HCN1: variants seen among roughly 807,000 people sequenced by gnomAD.
HCN1 encodes hyperpolarization activated cyclic nucleotide gated potassium channel 1.
Under a neutral mutation model 78.9 loss-of-function variants are expected in HCN1, and 13 were observed. That is an observed-to-expected ratio of 0.16 (90% confidence interval 0.11 to 0.26). HCN1 has a LOEUF of 0.26. Ranked by LOEUF, HCN1 falls within the 10% of genes least tolerant of loss-of-function variation. The pLI is 1.00. For missense variants in HCN1, 810 were observed against 1,154.3 expected, an observed-to-expected ratio of 0.70 and a Z score of 4.32; for synonymous variants, 552 against 455.5, an observed-to-expected ratio of 1.21 and a Z score of -2.70.
chr5:45,326,010 A>G (rs1746226997), intron 5 of HCN1, among the ~76,000 whole-genome samples: 1 of 151,634 alleles, frequency 6.6e-6, no homozygotes, highest in Non-Finnish European at 1.5e-5. Flanking sequence ...TGATGAATTG[A>G]CATAAGATGC....
intron 5 of HCN1, 88 bp from the exon 6 acceptor site, chr5:45,303,927 A>AGGCCGGGCGCGGTGGC: frequency 8.9e-7 from 1 of 1,128,746 alleles, no homozygotes. Flanking sequence ...TATATACAGC[A>AGGCCGGGCGCGGTGGC]TAACATTGTA....
intron 4 of HCN1, among the ~76,000 whole-genome samples, chr5:45,372,141 AT>A: frequency 2.1e-5 from 1 of 46,982 alleles, no homozygotes. Context: ...TAATATAATA[AT>A]ATATTATATA....
intron 5 of HCN1, among the ~76,000 whole-genome samples, chr5:45,319,697 T>G (rs1197143670): frequency 1.4e-5 from 2 of 147,382 alleles, no homozygotes; most frequent in East Asian, 2.0e-4. Context: ...TGTTTCCTGG[T>G]TTTTTTTTTA....
intron 2 of HCN1, chr5:45,576,094 GC>G (rs1480228305): frequency 6.6e-6 from 1 of 151,994 alleles, no homozygotes; most frequent in East Asian, 1.9e-4. Context: ...GGATGACCTT[GC>G]CGGATTCAAG....
intron 6 of HCN1, among the ~76,000 whole-genome samples, chr5:45,288,651 T>C (rs1745315124): frequency 6.6e-6 from 1 of 152,036 alleles, no homozygotes. Flanking sequence ...TATAATTTAG[T>C]AAATTAATTT....
At chr5:45,496,683 G>GT (rs1291319282) in intron 2 of HCN1, among the ~76,000 whole-genome samples, 6 of 152,016 alleles carry the variant, frequency 3.9e-5, no homozygotes, top group East Asian at 3.8e-4. Flanking sequence ...TTTTTGAAGG[G>GT]TTTTTTGTGT....
At chr5:45,482,973 T>C (rs1026836520) in intron 2 of HCN1, among the ~76,000 whole-genome samples, 1 of 152,222 alleles carries the variant, frequency 6.6e-6, no homozygotes, top group Non-Finnish European at 1.5e-5. Context: ...TATTCTATGG[T>C]GTATATGTAC....
chr5:45,695,980 G>A lies in HCN1; in HGVS notation c.114C>T (p.Arg38=). Reference sequence around the variant, plus strand: ...CGCCGCCCCCCGGCGGGGTGCCCAGGCGCTTCTCGGCCGCGGCCGGCCCCG... The same window carrying A: ...CGCCGCCCCCCGGCGGGGTGCCCAGACGCTTCTCGGCCGCGGCCGGCCCCG... ...TGAGPAAAEK[R]LGTPPGGGGA... The change falls in exon 1 of 8, where the codon CGC becomes CGT. Residue 38 remains arginine (R), a synonymous_variant. Transcript: ENST00000303230. 7.7e-7 allele frequency: 1 copy of A among 1,302,142 alleles called. No homozygotes were observed. Among genetic ancestry groups the A allele is most frequent in the South Asian group, 2.1e-5 (1 of 47,588 alleles). The allele number at this position is 1,302,142 out of a possible 1,614,324, so 80.7% of individuals were successfully genotyped here. A position where few individuals can be genotyped will look rare whatever the true frequency, so the allele number is the denominator to read the frequency against.
At chr5:45,322,483 T>C (rs1302279132) in intron 5 of HCN1, among the ~76,000 whole-genome samples, 2 of 151,844 alleles carry the variant, frequency 1.3e-5, no homozygotes, top group Non-Finnish European at 2.9e-5. Flanking sequence ...AGACCAGAAA[T>C]GTGGCAGATT....
chr5:45,456,101 G>A (rs951390182), intron 3 of HCN1, among the ~76,000 whole-genome samples: 2 of 151,566 alleles, frequency 1.3e-5, no homozygotes, highest in South Asian at 2.1e-4. Context: ...ATTGGTTTAC[G>A]CATCTTAACT....
intron 2 of HCN1, among the ~76,000 whole-genome samples, chr5:45,539,977 C>G (rs979775027): frequency 2.8e-5 from 4 of 141,466 alleles, no homozygotes; most frequent in Non-Finnish European, 6.0e-5. Flanking sequence ...TTATCATTGT[C>G]AGGATAGGCC....
chr5:45,327,314 G>A (rs934952187), intron 5 of HCN1, among the ~76,000 whole-genome samples: 6 of 151,690 alleles, frequency 4.0e-5, no homozygotes, highest in East Asian at 1.9e-4. Flanking sequence ...GAATATCACC[G>A]ATAGTAGAGT....
chr5:45,587,894 C>T (rs943178001), intron 2 of HCN1, among the ~76,000 whole-genome samples: 6 of 151,974 alleles, frequency 3.9e-5, no homozygotes, highest in African/African-American at 1.5e-4. Context: ...AGGATTAATG[C>T]CCTTATTAAT....
intron 2 of HCN1, among the ~76,000 whole-genome samples, chr5:45,494,600 T>A (rs1339223391): frequency 6.6e-6 from 1 of 151,902 alleles, no homozygotes. Context: ...AGCTCTTGAG[T>A]TTAATTAGAT....
intron 4 of HCN1, among the ~76,000 whole-genome samples, chr5:45,375,553 ATAT>A (rs1158223250): frequency 0.011 from 91 of 8,388 alleles, 3 homozygotes; most frequent in Non-Finnish European, 0.014. Context: ...TTTATGATAC[ATAT>A]TATATATAAG....
intron 3 of HCN1, among the ~76,000 whole-genome samples, chr5:45,403,784 C>G (rs1739868840): frequency 6.6e-6 from 1 of 152,118 alleles, no homozygotes; most frequent in African/African-American, 2.4e-5. Context: ...TATTATAAAT[C>G]AGGTACATGG....
intron 3 of HCN1, among the ~76,000 whole-genome samples, chr5:45,444,155 T>A (rs1361559423): frequency 6.6e-6 from 1 of 152,194 alleles, no homozygotes; most frequent in Admixed American, 6.5e-5. Context: ...AATATGAAGG[T>A]GTACTTTACT....
intron 2 of HCN1, among the ~76,000 whole-genome samples, chr5:45,561,662 G>C (rs1361850110): frequency 6.6e-6 from 1 of 151,842 alleles, no homozygotes; most frequent in Non-Finnish European, 1.5e-5. Context: ...AATTACGCTT[G>C]AGTTTATGCT....
chr5:45,490,898 T>A (rs1222741965), intron 2 of HCN1, among the ~76,000 whole-genome samples: 1 of 152,120 alleles, frequency 6.6e-6, no homozygotes, highest in Non-Finnish European at 1.5e-5. Flanking sequence ...CTAGCTCATT[T>A]TATCCACTTC....
Sources: gnomAD v4.1 joint callset for allele counts (sites outside exome capture counted in the v4.1 genomes callset) on GRCh38, gnomAD v4.1.1 for gene constraint, MANE v1.5 for transcripts, NCBI Gene and HGNC (gene_info 2026-07-23, HGNC 2026-07-21) for gene names.